SLC12A7: variants seen among roughly 807,000 people sequenced by gnomAD.
SLC12A7 encodes the protein solute carrier family 12 member 7, also known as K-Cl cotransporter 4.
Under a neutral mutation model 120.6 loss-of-function variants are expected in SLC12A7, and 100 were observed. The ratio of observed to expected loss-of-function variants is 0.83; its 90% CI spans 0.71 to 0.98. SLC12A7 has a LOEUF of 0.98. Among genes scored for constraint, SLC12A7 ranks in the 50% least tolerant of loss-of-function variants. SLC12A7 has a pLI of 0.00. For missense variants in SLC12A7, 1,373 were observed against 1,548.1 expected (o/e 0.89, Z 1.90); for synonymous variants, 760 against 678.0 (o/e 1.12, Z -1.88).
In SLC12A7 at chr5:1,057,618, G is replaced by A. The variant is rs767578960; in HGVS notation, c.2879C>T (p.Ser960Phe). ...AQLIHDRNTA[S>F]HTAAAARTQA... The stretch of plus-strand genomic sequence containing the variant: ...GGTCCTGGCTGCCGCCGCGGTGTGG[G>A]ACGCGGTGTTCCTGTCGTGGATCAG... The change falls in exon 22 of 24, where the codon TCC becomes TTC. Residue 960 changes from serine (S) to phenylalanine (F), a missense_variant. Ser to Phe is a radical substitution (Grantham distance 155). Coordinates refer to ENST00000264930, the MANE Select transcript of SLC12A7 (RefSeq NM_006598.3). 5 of 1,604,532 alleles carry A rather than the reference G, an allele frequency of 3.1e-6. No individual in the cohort carries two copies. Among genetic ancestry groups the A allele is most frequent in the South Asian group, 1.1e-5 (1 of 90,986 alleles).
chr5:1,117,154 C>T, the SLC12A7 span, among the ~76,000 whole-genome samples: 65 of 151,948 alleles, frequency 4.3e-4, no homozygotes, highest in Non-Finnish European at 7.5e-4. The surrounding 1 kb of genome is among the most constrained non-coding windows in gnomAD (Gnocchi z 4.5). Context: ...TGGTGGGGAG[C>T]GTACTGCGAG....
chr5:1,106,677 C>T (rs1264129307), intron 1 of SLC12A7, among the ~76,000 whole-genome samples: 1 of 152,122 alleles, frequency 6.6e-6, no homozygotes, highest in African/African-American at 2.4e-5. Flanking sequence ...GGACAGCAGC[C>T]CTGGGAAGGC....
At chr5:1,129,510 G>C in the SLC12A7 span, among the ~76,000 whole-genome samples, 1 of 152,096 alleles carries the variant, frequency 6.6e-6, no homozygotes, top group Admixed American at 6.5e-5. Flanking sequence ...GCTTTCCTGT[G>C]ACGCCCAGGA....
At chr5:1,129,288 A>G in the SLC12A7 span, among the ~76,000 whole-genome samples, 1 of 152,070 alleles carries the variant, frequency 6.6e-6, no homozygotes, top group Admixed American at 6.5e-5. Context: ...CCTGGCTCCA[A>G]GTGAAAGTCG....
chr5:1,078,527 C>G (rs4975684), intron 11 of SLC12A7, 174 bp downstream of exon 11: 5 of 648,558 alleles, frequency 7.7e-6, no homozygotes, highest in Non-Finnish European at 1.1e-5. Context: ...CCCTAGGCTC[C>G]AGCGGAAGAG....
intron 1 of SLC12A7, among the ~76,000 whole-genome samples, chr5:1,109,462 TAAG>T (rs1742822937): frequency 6.6e-6 from 1 of 152,060 alleles, no homozygotes; most frequent in Non-Finnish European, 1.5e-5. Context: ...GTATTTCACA[TAAG>T]AATAAAAGCT....
At chr5:1,066,887 G>A (rs1052840200) in intron 17 of SLC12A7, among the ~76,000 whole-genome samples, 5 of 152,124 alleles carry the variant, frequency 3.3e-5, no homozygotes, top group African/African-American at 1.2e-4. Flanking sequence ...GAGAACAGAC[G>A]CCCTTTGCTG....
chr5:1,052,584 G>C, intron 23 of SLC12A7, 133 bp from the exon 24 acceptor site: 1 of 727,910 alleles, frequency 1.4e-6, no homozygotes, highest in Non-Finnish European at 2.3e-6. Context: ...AAGGTGAAAA[G>C]AGAGGTGGGG....
intron 1 of SLC12A7, among the ~76,000 whole-genome samples, chr5:1,105,808 C>T (rs1742486229): frequency 6.6e-6 from 1 of 152,226 alleles, no homozygotes; most frequent in African/African-American, 2.4e-5. Context: ...AGCTGCTCAC[C>T]AGGCCCCAGA....
rs1001622391 is a variant in SLC12A7, at chr5:1,079,633, C to G, written c.1298-137G>C. The G allele has an allele frequency of 2.7e-5, 19 of 701,998 alleles. No individual in the cohort carries two copies. The South Asian group carries it at 3.1e-4, about 11-fold the overall frequency. The allele number at this position is 701,998 out of a possible 1,614,324, so 43.5% of individuals were successfully genotyped here. On this transcript the variant is annotated intron_variant, in intron 9 of 23. Coordinates refer to ENST00000264930, the MANE Select transcript of SLC12A7 (RefSeq NM_006598.3). ...GCTGCAGCCGAGGCTGCAGTCCAAG[C>G]TCCGCCAGCCCACGCTGCAATACTG...
upstream of SLC12A7, among the ~76,000 whole-genome samples, chr5:1,115,841 G>T (rs184630424): frequency 7.0e-6 from 1 of 142,322 alleles, no homozygotes; most frequent in Non-Finnish European, 1.5e-5. Flanking sequence ...AAGGAGAATC[G>T]GGGGAAGGGG....
chr5:1,146,281 T>C, the SLC12A7 span, among the ~76,000 whole-genome samples: 1 of 152,052 alleles, frequency 6.6e-6, no homozygotes, highest in African/African-American at 2.4e-5. This position sits in a 1 kb window ranked among gnomAD's most constrained non-coding sequence, Gnocchi z 6.5. Context: ...AGGTGGGCTT[T>C]TGGAGTGGAG....
chr5:1,069,754 C>T (rs150483505), intron 17 of SLC12A7, among the ~76,000 whole-genome samples: 13 of 152,324 alleles, frequency 8.5e-5, no homozygotes, highest in African/African-American at 2.4e-4. Context: ...TGGGACCCCA[C>T]AGGCTTTCAT....
rs111398724 is a variant in SLC12A7, at chr5:1,094,244, A to G, written c.129T>C (p.Asp43=). 30 of 1,610,412 alleles carry G rather than the reference A, an allele frequency of 1.9e-5. No individual in the cohort carries two copies. In the African/African-American group the frequency reaches 2.3e-4, roughly 12 times the overall value. The change falls in exon 2 of 24, where the codon GAT becomes GAC. Residue 43 remains aspartate, a synonymous_variant. Coordinates refer to ENST00000264930, the MANE Select transcript of SLC12A7 (RefSeq NM_006598.3). ...ATGGGCTGTTTTCTCTTGGATTTCC[A>G]TCTCCTAGTGAGGGAAAAACAATTC... is the stretch of plus-strand genomic sequence containing the variant. The part of the protein sequence containing the change: ...GPEPERPSPG[D]GNPRENSPFL...
chr5:1,149,739 G>A, the SLC12A7 span, among the ~76,000 whole-genome samples: 1 of 151,792 alleles, frequency 6.6e-6, no homozygotes, highest in Admixed American at 6.6e-5. Context: ...TGAAGAAATG[G>A]CTATTCAAGC....
At chr5:1,059,960 G>A (rs1736014080) in intron 21 of SLC12A7, among the ~76,000 whole-genome samples, 1 of 152,236 alleles carries the variant, frequency 6.6e-6, no homozygotes, top group African/African-American at 2.4e-5. Flanking sequence ...CGGCTCAGAA[G>A]CCGCTGACCC....
rs1021926998 is a variant in SLC12A7, at chr5:1,085,299, C to T, written c.850G>A (p.Val284Ile). 10 of 1,612,396 alleles carry T rather than the reference C, an allele frequency of 6.2e-6. No homozygotes were observed. Among genetic ancestry groups the T allele is most frequent in the Non-Finnish European group, 8.5e-6 (10 of 1,179,838 alleles). Reference sequence around the variant, plus strand: ...TAGATGGCCAGGATGGACAGCACGACGCAGGCCAGGAAGACCAGCGCCAGC... The same window carrying T: ...TAGATGGCCAGGATGGACAGCACGATGCAGGCCAGGAAGACCAGCGCCAGC... Reference protein sequence around the residue: ...NKLALVFLACVVLSILAIYAG... With the variant: ...NKLALVFLACIVLSILAIYAG... Residue 284 changes from valine to isoleucine, a missense_variant, in exon 7 of 24, where the codon GTC (valine) becomes ATC (isoleucine). Val to Ile is a conservative substitution (Grantham distance 29). Transcript: ENST00000264930.
the SLC12A7 span, among the ~76,000 whole-genome samples, chr5:1,129,572 C>T: frequency 2.2e-4 from 34 of 152,084 alleles, no homozygotes; most frequent in Non-Finnish European, 3.2e-4. Flanking sequence ...GGGTGGAGGG[C>T]GGCTCCAGGA....
chr5:1,095,143 C>T (rs1740998768), intron 1 of SLC12A7, among the ~76,000 whole-genome samples: 1 of 148,410 alleles, frequency 6.7e-6, no homozygotes, highest in African/African-American at 2.4e-5. Flanking sequence ...GAGCTGTCGC[C>T]CTCCCACCCT....
Sources: allele counts gnomAD v4.1 joint callset (sites outside exome capture counted in the v4.1 genomes callset), GRCh38; gene constraint gnomAD v4.1.1; non-coding constraint Gnocchi (gnomAD v3.1); transcripts MANE v1.5; gene names NCBI Gene and HGNC (gene_info 2026-07-23, HGNC 2026-07-21).